The following PARD3B variants were observed in gnomAD, a reference collection of about 807,000 sequenced individuals.
The protein encoded by PARD3B is par-3 family cell polarity regulator beta.
A neutral mutation model predicts 130.2 loss-of-function variants in PARD3B; 103 were observed. The observed-to-expected ratio is 0.79, with a 90% CI of 0.67 to 0.93. The LOEUF is 0.93. Ranked by LOEUF, PARD3B falls within the 40% of genes least tolerant of loss-of-function variation. The pLI, the probability that PARD3B is intolerant of heterozygous loss-of-function variation, is 0.00. For missense variants in PARD3B, 1,609 were observed against 1,499.2 expected (o/e 1.07, Z -1.21); for synonymous variants, 583 against 553.2 (o/e 1.05, Z -0.76).
At chr2:205,072,925 C>G (rs1700828329) in intron 4 of PARD3B, among the ~76,000 whole-genome samples, 1 of 152,066 alleles carries the variant, frequency 6.6e-6, no homozygotes, top group Non-Finnish European at 1.5e-5. Context: ...TCCTGTTTTT[C>G]TTCAATTTGC....
At chr2:204,638,079 A>G (rs752352271) in intron 1 of PARD3B, among the ~76,000 whole-genome samples, 3 of 152,198 alleles carry the variant, frequency 2.0e-5, no homozygotes, top group Non-Finnish European at 2.9e-5. Context: ...TTTAAAAACA[A>G]TGATATTGGA....
rs191747265 is a variant in PARD3B, at chr2:205,564,076, G to A, written c.3260+10673G>A. Reference sequence around the variant, plus strand: ...TCCCTATTTTATGGATGAAGAAACTGAGACTGGGAGATGCAAACAGGTGTG... The same window carrying A: ...TCCCTATTTTATGGATGAAGAAACTAAGACTGGGAGATGCAAACAGGTGTG... On this transcript the variant is annotated intron_variant, in intron 22 of 22. Coordinates refer to ENST00000406610, the MANE Select transcript of PARD3B (RefSeq NM_001302769.2). This position sits in a 1 kb window ranked among gnomAD's most constrained non-coding sequence, Gnocchi z 4.6. 1.6e-4 allele frequency among the ~76,000 whole-genome samples: 25 copies of A among 152,292 alleles called. No homozygotes were observed. The highest frequency in any genetic ancestry group is 6.8e-3 in the Middle Eastern group (2 of 294).
intron 1 of PARD3B, among the ~76,000 whole-genome samples, chr2:204,551,245 A>G (rs556741728): frequency 3.8e-4 from 58 of 152,280 alleles, no homozygotes; most frequent in African/African-American, 1.3e-3. Flanking sequence ...ATTTCATGCA[A>G]AACTCCAGAT....
intron 2 of PARD3B, among the ~76,000 whole-genome samples, chr2:204,880,884 G>A (rs1026577031): frequency 2.0e-5 from 3 of 152,016 alleles, no homozygotes; most frequent in African/African-American, 7.2e-5. Context: ...TAGAACAAAC[G>A]TGCTACAGTG....
rs1407175902 is a variant in PARD3B at position 205,158,840 on chromosome 2, C to G, written c.1553C>G (p.Ser518Cys). 5 of 1,613,994 alleles carry G rather than the reference C, an allele frequency of 3.1e-6. No homozygotes were observed. Among genetic ancestry groups the G allele is most frequent in the African/African-American group, 1.3e-5 (1 of 74,902 alleles). Residue 518 changes from serine to cysteine, a missense_variant, in exon 11 of 23, where the codon TCC becomes TGC. Transcript: ENST00000406610. The surrounding 1 kb of genome is among the most constrained non-coding windows in gnomAD (Gnocchi z 5.4). ...GLGVSLKGNK[S>C]RETGTDLGIF... ...GGGGTGAGCTTAAAAGGGAACAAAT[C>G]CAGAGAAACTGGAACAGACTTGGGG...
At chr2:205,520,090 G>T (rs2050971692) in intron 21 of PARD3B, among the ~76,000 whole-genome samples, 1 of 152,108 alleles carries the variant, frequency 6.6e-6, no homozygotes, top group African/African-American at 2.4e-5. Context: ...CAGTGTTTTT[G>T]TTCCTCCCCT....
At chr2:204,643,589 A>C (rs1350925432) in intron 1 of PARD3B, among the ~76,000 whole-genome samples, 1 of 152,040 alleles carries the variant, frequency 6.6e-6, no homozygotes, top group Admixed American at 6.6e-5. Context: ...AACTGTCTTA[A>C]AACATTATGA....
intron 18 of PARD3B, among the ~76,000 whole-genome samples, chr2:205,318,421 TA>T (rs1469595224): frequency 1.3e-5 from 2 of 152,182 alleles, no homozygotes; most frequent in African/African-American, 4.8e-5. Flanking sequence ...GTTATTCCCA[TA>T]CTATGAGGGC....
At chr2:205,538,375 A>C (rs1441387125) in intron 21 of PARD3B, among the ~76,000 whole-genome samples, 1 of 152,184 alleles carries the variant, frequency 6.6e-6, no homozygotes, top group East Asian at 1.9e-4. Flanking sequence ...GATGACAATG[A>C]TGACTGTAGA....
rs1305007544 is a variant in PARD3B at position 205,525,231 on chromosome 2, G to A, written c.3180+25200G>A. On this transcript the variant is annotated intron_variant, in intron 21 of 22. Coordinates refer to ENST00000406610, the MANE Select transcript of PARD3B (RefSeq NM_001302769.2). This position sits in a 1 kb window ranked among gnomAD's most constrained non-coding sequence, Gnocchi z 4.2. ...TTCCTTTAAATGGTCCTGAAAACAA[G>A]AGACATGGTATGTAAAACTTCCAAA... 6.6e-6 allele frequency among the ~76,000 whole-genome samples: 1 copy of A among 152,050 alleles called. No homozygotes were observed. The highest frequency in any genetic ancestry group is 2.4e-5 in the African/African-American group (1 of 41,372).
chr2:204,915,590 C>T (rs1366426243), intron 2 of PARD3B, among the ~76,000 whole-genome samples: 1 of 152,088 alleles, frequency 6.6e-6, no homozygotes, highest in Admixed American at 6.5e-5. Context: ...TATATTAAAA[C>T]TACTTTCACC....
At chr2:205,374,315 C>T (rs1472033416) in intron 18 of PARD3B, among the ~76,000 whole-genome samples, 1 of 152,160 alleles carries the variant, frequency 6.6e-6, no homozygotes, top group African/African-American at 2.4e-5. Context: ...CAGCTCACTG[C>T]AACCTCTGTC....
intron 2 of PARD3B, among the ~76,000 whole-genome samples, chr2:204,732,533 C>G (rs2039563606): frequency 6.9e-6 from 1 of 144,766 alleles, no homozygotes; most frequent in Admixed American, 7.1e-5. Context: ...GAGACGGAGT[C>G]TCGCTCTGTC....
At chr2:204,553,871 G>A (rs1263217109) in intron 1 of PARD3B, among the ~76,000 whole-genome samples, 1 of 150,848 alleles carries the variant, frequency 6.6e-6, no homozygotes, top group Non-Finnish European at 1.5e-5. Flanking sequence ...TGACACAAAG[G>A]ACTTCAGGGA....
intron 3 of PARD3B, among the ~76,000 whole-genome samples, chr2:204,985,157 C>T (rs907671663): frequency 6.6e-6 from 1 of 152,024 alleles, no homozygotes; most frequent in African/African-American, 2.4e-5. Flanking sequence ...CCTTTTCCTT[C>T]CCCCACTTCT....
intron 19 of PARD3B, among the ~76,000 whole-genome samples, chr2:205,424,745 G>A (rs1296539487): frequency 6.6e-6 from 1 of 152,122 alleles, no homozygotes; most frequent in Non-Finnish European, 1.5e-5. Context: ...AACAGAAGGG[G>A]TTGATCCTCA....
intron 19 of PARD3B, among the ~76,000 whole-genome samples, chr2:205,404,649 G>C (rs1167749629): frequency 9.9e-5 from 15 of 151,900 alleles, no homozygotes; most frequent in Admixed American, 7.2e-4. Flanking sequence ...CAAACATTTA[G>C]TCTGTTCCCA....
At position 205,579,122 on chromosome 2, in the gene PARD3B, G is replaced by A. The variant is rs1575410216; in HGVS notation, c.3260+25719G>A. Among the ~76,000 whole-genome samples, 7 of 152,110 alleles carry A rather than the reference G, an allele frequency of 4.6e-5. No homozygotes were observed. The South Asian group carries it at 1.2e-3, about 27-fold the overall frequency. On this transcript the variant is annotated intron_variant, in intron 22 of 22. Transcript: ENST00000406610. ...GTAAGAAAATATATTTCTCTTCCTA[G>A]CCTTCTAATTGTTTATTTTTGTGGG...
At chr2:204,592,657 A>G (rs887124507) in intron 1 of PARD3B, among the ~76,000 whole-genome samples, 47 of 152,244 alleles carry the variant, frequency 3.1e-4, no homozygotes, top group African/African-American at 1.1e-3. Flanking sequence ...CCATTAAAAA[A>G]TGCAGAAATC....
Sources: allele counts gnomAD v4.1 joint callset (sites outside exome capture counted in the v4.1 genomes callset), GRCh38; gene constraint gnomAD v4.1.1; non-coding constraint Gnocchi (gnomAD v3.1); transcripts MANE v1.5; gene names NCBI Gene and HGNC (gene_info 2026-07-23, HGNC 2026-07-21).